DOCK3: variants seen among roughly 807,000 people sequenced by gnomAD.
DOCK3 encodes dedicator of cytokinesis 3.
Under a neutral mutation model 265.6 loss-of-function variants are expected in DOCK3, and 60 were observed. The observed-to-expected ratio is 0.23, with a 90% CI of 0.18 to 0.28. The LOEUF (loss-of-function observed/expected upper bound fraction) is 0.28, where lower values mean the gene tolerates loss of function less well. Ranked by LOEUF, DOCK3 falls within the 10% of genes least tolerant of loss-of-function variation. DOCK3 has a pLI of 1.00. For missense variants in DOCK3, 1,981 were observed against 2,594.3 expected (o/e 0.76, Z 5.14); for synonymous variants, 881 against 938.0 (o/e 0.94, Z 1.11).
In DOCK3 at chr3:51,136,502, T is replaced by C. The variant is rs972714664; in HGVS notation, c.747-10047T>C. ...ATCCACCCGTCTCGGCCTCCCAAAG[T>C]GCTGGAATTACAGGCATGAGCCACC... On this transcript the variant is annotated intron_variant, in intron 9 of 52. Coordinates refer to ENST00000266037, the MANE Select transcript of DOCK3 (RefSeq NM_004947.5). Among the ~76,000 whole-genome samples the C allele has an allele frequency of 3.3e-5, 5 of 152,226 alleles. No homozygotes were observed. In the South Asian group the frequency reaches 1.0e-3, roughly 32 times the overall value.
chr3:50,772,589 A>G (rs533114700), intron 1 of DOCK3, among the ~76,000 whole-genome samples: 170 of 152,344 alleles, frequency 1.1e-3, no homozygotes, highest in Admixed American at 4.4e-3. Flanking sequence ...TGTATCCACA[A>G]AAATTAAAAA....
intron 5 of DOCK3, among the ~76,000 whole-genome samples, chr3:50,979,265 T>G (rs532977102): frequency 6.6e-6 from 1 of 152,334 alleles, no homozygotes; most frequent in East Asian, 1.9e-4. Context: ...TAGTTAAATT[T>G]ATTTCTAGGT....
chr3:50,970,044 C>A (rs947712420), intron 5 of DOCK3, among the ~76,000 whole-genome samples: 1 of 151,908 alleles, frequency 6.6e-6, no homozygotes, highest in Non-Finnish European at 1.5e-5. Flanking sequence ...TGCACTCCAG[C>A]CTGAGCAACA....
chr3:51,355,217 C>G (rs1345152121), intron 41 of DOCK3, among the ~76,000 whole-genome samples, 194 bp downstream of exon 41: 1 of 152,228 alleles, frequency 6.6e-6, no homozygotes, highest in African/African-American at 2.4e-5. Flanking sequence ...CAGTGGCACG[C>G]CCTTAGCAGT....
At chr3:50,880,108 A>C (rs957365449) in intron 3 of DOCK3, among the ~76,000 whole-genome samples, 19 of 152,220 alleles carry the variant, frequency 1.2e-4, no homozygotes, top group African/African-American at 4.3e-4. Flanking sequence ...AACATACCAG[A>C]ATCTCTGGAA....
At chr3:50,991,416 T>C (rs962942102) in intron 5 of DOCK3, among the ~76,000 whole-genome samples, 1 of 152,002 alleles carries the variant, frequency 6.6e-6, no homozygotes, top group Non-Finnish European at 1.5e-5. Context: ...ACCAAGCAAA[T>C]AGAAAACAAA....
chr3:51,229,369 T>C (rs970913029), intron 18 of DOCK3, 143 bp from the exon 19 acceptor site: 3 of 476,272 alleles, frequency 6.3e-6, no homozygotes, highest in Non-Finnish European at 1.1e-5. Context: ...GAGAATCACT[T>C]GAATTCGGGA....
chr3:50,850,397 G>A (rs2107373221), intron 3 of DOCK3, among the ~76,000 whole-genome samples: 1 of 151,708 alleles, frequency 6.6e-6, no homozygotes, highest in Admixed American at 6.6e-5. Context: ...TGATTTTTAA[G>A]CTCATTTTGG....
chr3:51,322,145 A>G (rs1304515581), intron 32 of DOCK3, among the ~76,000 whole-genome samples: 2 of 152,176 alleles, frequency 1.3e-5, no homozygotes, highest in Non-Finnish European at 2.9e-5. Flanking sequence ...GAAACCCTAC[A>G]AGCCAGAAAA....
chr3:50,702,373 C>CT (rs1222015591), intron 1 of DOCK3, among the ~76,000 whole-genome samples: 7 of 148,472 alleles, frequency 4.7e-5, no homozygotes, highest in African/African-American at 1.5e-4. Context: ...CTGATTTTTT[C>CT]TTTTTTTTTA....
chr3:50,996,681 A>G (rs2078297403), intron 5 of DOCK3, among the ~76,000 whole-genome samples: 1 of 152,150 alleles, frequency 6.6e-6, no homozygotes, highest in Admixed American at 6.5e-5. Flanking sequence ...GCTAGCCTAA[A>G]TGAAAAAAGA....
intron 25 of DOCK3, 84 bp from the exon 26 acceptor site, chr3:51,277,524 G>A (rs1486889490): frequency 1.4e-6 from 2 of 1,460,092 alleles, no homozygotes; most frequent in Non-Finnish European, 1.8e-6. Flanking sequence ...GACTACTGCT[G>A]ATGTGGCTGA....
chr3:51,098,057 G>T (rs2109681447), intron 9 of DOCK3, among the ~76,000 whole-genome samples: 1 of 152,152 alleles, frequency 6.6e-6, no homozygotes, highest in South Asian at 2.1e-4. Context: ...GTTCCTATTT[G>T]ACCATCTTGC....
intron 14 of DOCK3, among the ~76,000 whole-genome samples, chr3:51,223,515 A>G (rs1290903135): frequency 6.6e-6 from 1 of 152,110 alleles, no homozygotes; most frequent in South Asian, 2.1e-4. Context: ...TTTCTAGACT[A>G]TTTGACTCAG....
intron 1 of DOCK3, among the ~76,000 whole-genome samples, chr3:50,689,571 A>G (rs1028171296): frequency 6.6e-6 from 1 of 152,140 alleles, no homozygotes; most frequent in Admixed American, 6.5e-5. Context: ...CCCACGACAC[A>G]TGGGGGATTA....
chr3:51,210,772 T>C (rs965452036), intron 13 of DOCK3, among the ~76,000 whole-genome samples: 4 of 152,256 alleles, frequency 2.6e-5, no homozygotes, highest in African/African-American at 9.6e-5. Flanking sequence ...TGTTAGATAT[T>C]GTGGACAGTT....
Position 50,900,037 on chromosome 3 carries a change from A to G in DOCK3, c.218+9956A>G, listed in dbSNP as rs560236873. Among the ~76,000 whole-genome samples the G allele has an allele frequency of 8.5e-5, 13 of 152,122 alleles. No homozygotes were observed. In the South Asian group the frequency reaches 2.3e-3, roughly 27 times the overall value. Reference sequence around the variant, plus strand: ...GTTGGCCTGTCTTGCTAGGTTGGGGAAAAGTTCTCCTGGATAATATCCTGA... The same window carrying G: ...GTTGGCCTGTCTTGCTAGGTTGGGGGAAAGTTCTCCTGGATAATATCCTGA... On this transcript the variant is annotated intron_variant, in intron 4 of 52. Coordinates refer to ENST00000266037, the MANE Select transcript of DOCK3 (RefSeq NM_004947.5).
intron 9 of DOCK3, among the ~76,000 whole-genome samples, chr3:51,108,345 A>G (rs1291793626): frequency 6.6e-6 from 1 of 152,194 alleles, no homozygotes; most frequent in African/African-American, 2.4e-5. Context: ...AATGCTGAGG[A>G]AATTAGTTAC....
rs368779613 is a variant in DOCK3 at position 51,381,376 on chromosome 3, G to A, written c.5910G>A (p.Pro1970=). The A allele has an allele frequency of 1.7e-5, 27 of 1,612,550 alleles. No homozygotes were observed. The highest frequency in any genetic ancestry group is 2.2e-5 in the East Asian group (1 of 44,884). Reference sequence around the variant, plus strand: ...TCATCCCTCAGGACCCCATGGACCCGCCTGCGCTGCCGCCCAAGCCCTACC... The same window carrying A: ...TCATCCCTCAGGACCCCATGGACCCACCTGCGCTGCCGCCCAAGCCCTACC... ...GCVIPQDPMD[P]PALPPKPYHP... is the part of the protein sequence containing the mutation. Residue 1970 remains proline, a synonymous_variant, in exon 53 of 53, where the codon CCG becomes CCA. Coordinates refer to ENST00000266037, the MANE Select transcript of DOCK3 (RefSeq NM_004947.5). This position sits in a 1 kb window ranked among gnomAD's most constrained non-coding sequence, Gnocchi z 5.6.
Sources: allele counts gnomAD v4.1 joint callset (sites outside exome capture counted in the v4.1 genomes callset), GRCh38; gene constraint gnomAD v4.1.1; non-coding constraint Gnocchi (gnomAD v3.1); transcripts MANE v1.5; gene names NCBI Gene and HGNC (gene_info 2026-07-23, HGNC 2026-07-21).